Variants in DCAF17 observed in about 807,000 individuals in gnomAD.
The protein encoded by DCAF17 is DDB1- and CUL4-associated factor 17.
DCAF17 carries 48 observed loss-of-function variants against 66.0 expected under a neutral mutation model. The ratio of observed to expected loss-of-function variants is 0.73; its 90% CI spans 0.58 to 0.92. DCAF17 has a LOEUF of 0.92. Among genes scored for constraint, DCAF17 ranks in the 40% least tolerant of loss-of-function variants. DCAF17 has a pLI of 0.00. For synonymous variants in DCAF17, 206 were observed against 214.6 expected, an observed-to-expected ratio of 0.96 and a Z score of 0.35; for missense variants, 562 against 622.8, an observed-to-expected ratio of 0.90 and a Z score of 1.04.
chr2:171,443,587 G>C lies in DCAF17; in HGVS notation c.295G>C (p.Asp99His). 5.6e-6 allele frequency: 9 copies of C among 1,612,982 alleles called. No individual in the cohort carries two copies. The highest frequency in any genetic ancestry group is 7.6e-6 in the Non-Finnish European group (9 of 1,179,406). The stretch of plus-strand genomic sequence containing the variant: ...ATGTTCCAAATCAGAAAAAATAGAG[G>C]ATGCTTTATTATGGGAATGCCCAGT... The part of the protein sequence containing the change: ...PKCSKSEKIE[D>H]ALLWECPVGD... Residue 99 changes from aspartate to histidine, a missense_variant, in exon 3 of 14, where the codon GAT (aspartate) becomes CAT (histidine). Coordinates refer to ENST00000375255, the MANE Select transcript of DCAF17 (RefSeq NM_025000.4).
At chr2:171,444,553 C>T (rs1247081257) in intron 3 of DCAF17, among the ~76,000 whole-genome samples, 1 of 152,144 alleles carries the variant, frequency 6.6e-6, no homozygotes, top group Non-Finnish European at 1.5e-5. Flanking sequence ...CCTCATTATG[C>T]ATATGCAAAT....
chr2:171,441,167 C>T (rs1260273510), intron 2 of DCAF17, among the ~76,000 whole-genome samples: 1 of 152,208 alleles, frequency 6.6e-6, no homozygotes, highest in African/African-American at 2.4e-5. Flanking sequence ...CTTAACTTCT[C>T]CACACTCTGT....
Position 171,484,415 on chromosome 2 carries a change from G to A in DCAF17, c.*3301G>A, listed in dbSNP as rs1427108192. The A allele has an allele frequency of 7.4e-6, 3 of 403,148 alleles. No homozygotes were observed. In the East Asian group the frequency reaches 2.2e-4, roughly 29 times the overall value. The allele number at this position is 403,148 out of a possible 1,614,324, so 25.0% of individuals were successfully genotyped here. ...ACAGTAAAATTGAAAGAATTTTATA[G>A]TAAATACTGACCACGGGGATTCTAC... On this transcript the variant is annotated 3_prime_UTR_variant, in exon 14 of 14. Transcript: ENST00000375255.
At chr2:171,437,226 A>G (rs556892870) in intron 2 of DCAF17, among the ~76,000 whole-genome samples, 2 of 152,312 alleles carry the variant, frequency 1.3e-5, no homozygotes, top group African/African-American at 4.8e-5. Context: ...TTTAGCTCAT[A>G]TTTAGGTGGT....
intron 6 of DCAF17, among the ~76,000 whole-genome samples, chr2:171,454,975 T>C (rs1695168448): frequency 1.3e-5 from 2 of 152,114 alleles, no homozygotes; most frequent in Non-Finnish European, 2.9e-5. Flanking sequence ...TATTTTCTTT[T>C]TTTTTTAACT....
rs994585312 is a variant in DCAF17 at position 171,483,479 on chromosome 2, G to A, written c.*2365G>A. ...CATTCTCAGAGCATCAATGCAGCAA[G>A]CTTATTGTTCCTCAATTTTTTACAA... is the stretch of plus-strand genomic sequence containing the variant. On this transcript the variant is annotated 3_prime_UTR_variant, in exon 14 of 14. Coordinates refer to ENST00000375255, the MANE Select transcript of DCAF17 (RefSeq NM_025000.4). 2.2e-6 allele frequency: 1 copy of A among 453,974 alleles called. No individual in the cohort carries two copies. The highest frequency in any genetic ancestry group is 4.4e-6 in the Non-Finnish European group (1 of 226,802). 28.1% of individuals were successfully genotyped at this position (453,974 alleles called of 1,614,324 possible). A position where few individuals can be genotyped will look rare whatever the true frequency, so the allele number is the denominator to read the frequency against.
intron 10 of DCAF17, among the ~76,000 whole-genome samples, chr2:171,474,608 T>C (rs1309103229): frequency 6.6e-6 from 1 of 152,242 alleles, no homozygotes; most frequent in Admixed American, 6.5e-5. Context: ...TTCAAGATCA[T>C]GTATACATGA....
At chr2:171,447,528 T>A (rs916572312) in intron 3 of DCAF17, 1 of 172,814 alleles carries the variant, frequency 5.8e-6, no homozygotes, top group African/African-American at 2.4e-5. Flanking sequence ...GCCCAGCTAA[T>A]TTTTGTATTT....
At chr2:171,474,635 A>G (rs1388358926) in intron 10 of DCAF17, among the ~76,000 whole-genome samples, 1 of 152,180 alleles carries the variant, frequency 6.6e-6, no homozygotes, top group African/African-American at 2.4e-5. Context: ...CAAAATGTAT[A>G]TACCAGCCTC....
At chr2:171,480,576 A>G (rs891500320) in intron 13 of DCAF17, among the ~76,000 whole-genome samples, 1 of 152,208 alleles carries the variant, frequency 6.6e-6, no homozygotes, top group African/African-American at 2.4e-5. Context: ...ACTCTTGTAT[A>G]CATTTGTCTG....
At chr2:171,434,799 T>A in intron 1 of DCAF17, 96 bp downstream of exon 1, 1 of 1,394,360 alleles carries the variant, frequency 7.2e-7, no homozygotes, top group Non-Finnish European at 9.2e-7. Flanking sequence ...GGGGCCTCCC[T>A]TTATAGGGTC....
chr2:171,453,697 G>C (rs1406778578), intron 6 of DCAF17, among the ~76,000 whole-genome samples: 1 of 152,020 alleles, frequency 6.6e-6, no homozygotes, highest in Non-Finnish European at 1.5e-5. Flanking sequence ...GACTTGTGGA[G>C]CAGTTACATG....
At chr2:171,467,084 T>G (rs1695947732) in intron 8 of DCAF17, among the ~76,000 whole-genome samples, 1 of 152,174 alleles carries the variant, frequency 6.6e-6, no homozygotes, top group Non-Finnish European at 1.5e-5. Flanking sequence ...TGCCTGTCTC[T>G]TCTTTTTCCT....
intron 8 of DCAF17, among the ~76,000 whole-genome samples, chr2:171,461,042 T>C (rs1695556357): frequency 6.6e-6 from 1 of 152,238 alleles, no homozygotes; most frequent in Non-Finnish European, 1.5e-5. Context: ...ATCCCATTCA[T>C]TTCTCCAAAT....
intron 5 of DCAF17, among the ~76,000 whole-genome samples, chr2:171,451,618 C>T (rs1408936129): frequency 6.6e-6 from 1 of 152,158 alleles, no homozygotes; most frequent in Non-Finnish European, 1.5e-5. Flanking sequence ...GCTTTGTTGC[C>T]AGGCTAGAGT....
At chr2:171,451,261 A>G (rs1246787632) in intron 5 of DCAF17, among the ~76,000 whole-genome samples, 2 of 151,976 alleles carry the variant, frequency 1.3e-5, no homozygotes, top group African/African-American at 4.8e-5. Flanking sequence ...TATCATGGTT[A>G]TCTGAATGTT....
intron 2 of DCAF17, among the ~76,000 whole-genome samples, chr2:171,442,354 C>T (rs971595774): frequency 3.3e-5 from 5 of 151,348 alleles, no homozygotes; most frequent in Non-Finnish European, 7.4e-5. Flanking sequence ...GTCAGGAGTT[C>T]GAGACCAGCC....
intron 8 of DCAF17, among the ~76,000 whole-genome samples, chr2:171,466,142 G>A (rs1695884913): frequency 6.6e-6 from 1 of 152,136 alleles, no homozygotes; most frequent in Admixed American, 6.6e-5. Context: ...GGGATTACAG[G>A]CGTGAGCCAC....
At chr2:171,443,689 A>C in intron 3 of DCAF17, 76 bp downstream of exon 3, 1 of 1,163,268 alleles carries the variant, frequency 8.6e-7, no homozygotes, top group Non-Finnish European at 1.3e-6. Context: ...AACATATTGC[A>C]TAAAATAATA....
Sources: allele counts gnomAD v4.1 joint callset (sites outside exome capture counted in the v4.1 genomes callset), GRCh38; gene constraint gnomAD v4.1.1; transcripts MANE v1.5; gene names NCBI Gene and HGNC (gene_info 2026-07-23, HGNC 2026-07-21).